MAGI2: variants seen among roughly 807,000 people sequenced by gnomAD.
The protein encoded by MAGI2 is membrane associated guanylate kinase, WW and PDZ domain containing 2.
MAGI2 carries 35 observed loss-of-function variants against 133.3 expected under a neutral mutation model. The observed-to-expected ratio is 0.26, with a 90% confidence interval of 0.20 to 0.35. The LOEUF (loss-of-function observed/expected upper bound fraction) is 0.35. MAGI2 is among the 10% of genes least tolerant of loss of function. The pLI is 1.00. For synonymous variants in MAGI2, 729 were observed against 710.6 expected, an observed-to-expected ratio of 1.03 and a Z score of -0.41; for missense variants, 1,636 against 1,863.4, an observed-to-expected ratio of 0.88 and a Z score of 2.25.
chr7:79,273,536 T>C (rs1835025857), intron 1 of MAGI2, among the ~76,000 whole-genome samples: 1 of 152,066 alleles, frequency 6.6e-6, no homozygotes, highest in Admixed American at 6.6e-5. Context: ...TAGAGTGAAA[T>C]TTAAGTGGGT....
intron 2 of MAGI2, among the ~76,000 whole-genome samples, chr7:78,788,981 C>T (rs1329880987): frequency 6.6e-6 from 1 of 152,166 alleles, no homozygotes; most frequent in Non-Finnish European, 1.5e-5. Flanking sequence ...TCTCATTGGT[C>T]TCCTCTCACT....
intron 3 of MAGI2, among the ~76,000 whole-genome samples, chr7:78,591,558 C>T (rs1260197945): frequency 2.0e-5 from 3 of 152,196 alleles, no homozygotes; most frequent in African/African-American, 2.4e-5. Flanking sequence ...CTAACATCCA[C>T]GTAGCCTCTA....
At chr7:78,942,531 A>G (rs1024964786) in intron 2 of MAGI2, among the ~76,000 whole-genome samples, 1 of 152,134 alleles carries the variant, frequency 6.6e-6, no homozygotes, top group Non-Finnish European at 1.5e-5. Flanking sequence ...AGCATTTACA[A>G]AACTTCTGTC....
chr7:78,850,562 A>G (rs1793046632), intron 2 of MAGI2, among the ~76,000 whole-genome samples: 1 of 151,912 alleles, frequency 6.6e-6, no homozygotes, highest in South Asian at 2.1e-4. Context: ...CCCAGTATAA[A>G]TTCATCTTTC....
At chr7:78,514,771 G>A (rs1271314961) in intron 4 of MAGI2, among the ~76,000 whole-genome samples, 2 of 152,210 alleles carry the variant, frequency 1.3e-5, no homozygotes, top group African/African-American at 4.8e-5. Context: ...TGCACAGTCA[G>A]CGTGCCAAGC....
intron 6 of MAGI2, among the ~76,000 whole-genome samples, chr7:78,453,544 C>G (rs575985473): frequency 1.3e-5 from 2 of 152,230 alleles, no homozygotes; most frequent in South Asian, 2.1e-4. Context: ...TGTATGTGCC[C>G]TCAGGTGAGC....
intron 1 of MAGI2, among the ~76,000 whole-genome samples, chr7:79,249,090 C>G (rs1833033986): frequency 6.6e-6 from 1 of 152,088 alleles, no homozygotes; most frequent in Non-Finnish European, 1.5e-5. Context: ...TCTCAAACTC[C>G]TGACCTCAGG....
At chr7:79,389,208 A>C (rs1410901964) in intron 1 of MAGI2, among the ~76,000 whole-genome samples, 3 of 152,006 alleles carry the variant, frequency 2.0e-5, no homozygotes, top group Non-Finnish European at 4.4e-5. Flanking sequence ...CTATATTTTT[A>C]ATTTTAACAT....
At chr7:78,068,571 A>G (rs1313802599) in intron 21 of MAGI2, among the ~76,000 whole-genome samples, 1 of 152,094 alleles carries the variant, frequency 6.6e-6, no homozygotes, top group African/African-American at 2.4e-5. Flanking sequence ...TTTCTCTCAA[A>G]TTTGCTGTGA....
intron 12 of MAGI2, among the ~76,000 whole-genome samples, chr7:78,190,428 T>TA (rs752494173): frequency 3.3e-5 from 5 of 152,234 alleles, no homozygotes; most frequent in Non-Finnish European, 7.3e-5. Flanking sequence ...TAATGATGAT[T>TA]ATTCCTTGAA....
intron 7 of MAGI2, chr7:78,359,432 G>C (rs1792536509): frequency 6.6e-6 from 1 of 152,158 alleles, no homozygotes; most frequent in Non-Finnish European, 1.5e-5. Flanking sequence ...TGACCAGAAT[G>C]AAATAAATTA....
chr7:78,994,011 C>A (rs529874313), intron 2 of MAGI2, among the ~76,000 whole-genome samples: 258 of 152,112 alleles, frequency 1.7e-3, no homozygotes, highest in African/African-American at 5.8e-3. Flanking sequence ...AGGGAGGAAG[C>A]TGGAAGGTCA....
At chr7:78,766,129 A>G (rs1352531135) in intron 2 of MAGI2, among the ~76,000 whole-genome samples, 1 of 152,204 alleles carries the variant, frequency 6.6e-6, no homozygotes, top group East Asian at 1.9e-4. Context: ...TCTCTGCTAC[A>G]GACCAGAGAA....
intron 1 of MAGI2, among the ~76,000 whole-genome samples, chr7:79,239,174 TATTA>T (rs1403523598): frequency 6.6e-6 from 1 of 152,208 alleles, no homozygotes; most frequent in African/African-American, 2.4e-5. Flanking sequence ...TGTATTAATG[TATTA>T]ATTAATTGTA....
At chr7:78,724,808 A>G (rs1025203643) in intron 2 of MAGI2, among the ~76,000 whole-genome samples, 2 of 152,226 alleles carry the variant, frequency 1.3e-5, no homozygotes, top group Non-Finnish European at 2.9e-5. Context: ...ACTTCTAATA[A>G]CAATGCATAA....
intron 1 of MAGI2, among the ~76,000 whole-genome samples, chr7:79,188,295 A>T (rs1827342232): frequency 2.6e-5 from 4 of 151,618 alleles, no homozygotes; most frequent in Admixed American, 2.6e-4. Context: ...CTCCCCCAAC[A>T]GACCCTAGTG....
At chr7:78,063,871 C>G (rs1418049504) in intron 21 of MAGI2, among the ~76,000 whole-genome samples, 1 of 152,204 alleles carries the variant, frequency 6.6e-6, no homozygotes, top group Non-Finnish European at 1.5e-5. Context: ...ATGGACATAG[C>G]AGAGCCTTTT....
At chr7:78,805,256 T>TA (rs201941126) in intron 2 of MAGI2, among the ~76,000 whole-genome samples, 1,226 of 121,436 alleles carry the variant, frequency 0.01, 35 homozygotes, top group Admixed American at 0.056. Flanking sequence ...GAAGGAAGAG[T>TA]AAAAAAAAAA....
At chr7:78,547,953 C>A (rs920120153) in intron 3 of MAGI2, among the ~76,000 whole-genome samples, 1 of 152,146 alleles carries the variant, frequency 6.6e-6, no homozygotes, top group Non-Finnish European at 1.5e-5. Context: ...TTGCCTTAAC[C>A]TTTTAAGCTT....
Sources: allele counts gnomAD v4.1 joint callset (sites outside exome capture counted in the v4.1 genomes callset), GRCh38; gene constraint gnomAD v4.1.1; transcripts MANE v1.5; gene names NCBI Gene and HGNC (gene_info 2026-07-23, HGNC 2026-07-21).